Variants in DMC1 observed in about 807,000 individuals in gnomAD.
DMC1 encodes the protein meiotic recombination protein DMC1 homolog.
Under a neutral mutation model 50.1 loss-of-function variants are expected in DMC1, and 27 were observed. The ratio of observed to expected loss-of-function variants is 0.54; its 90% CI spans 0.40 to 0.74. DMC1 has a LOEUF of 0.74. DMC1 is among the 30% of genes least tolerant of loss of function. DMC1 has a pLI of 0.00. For synonymous variants in DMC1, 148 were observed against 136.1 expected (o/e 1.09, Z -0.61); for missense variants, 295 against 420.2 (o/e 0.70, Z 2.60).
intron 8 of DMC1, among the ~76,000 whole-genome samples, chr22:38,547,960 G>A (rs893604959): frequency 3.3e-5 from 5 of 152,162 alleles, no homozygotes; most frequent in Non-Finnish European, 7.3e-5. Flanking sequence ...AACTTATAAT[G>A]ATCTTTCTCA....
chr22:38,563,564 G>A (rs1232157098), intron 4 of DMC1, among the ~76,000 whole-genome samples: 1 of 151,864 alleles, frequency 6.6e-6, no homozygotes, highest in African/African-American at 2.4e-5. Context: ...CTATCTCTAA[G>A]AATAAACAAC....
intron 5 of DMC1, among the ~76,000 whole-genome samples, chr22:38,560,095 G>T (rs2090510984): frequency 6.6e-6 from 1 of 152,002 alleles, no homozygotes. Context: ...TTATTAAATG[G>T]TATGGATAAA....
At chr22:38,546,202 C>A (rs962756906) in intron 8 of DMC1, 1 of 152,250 alleles carries the variant, frequency 6.6e-6, no homozygotes, top group African/African-American at 2.4e-5. Flanking sequence ...ACCAGCCCGA[C>A]CAACATGGAG....
the DMC1 span, among the ~76,000 whole-genome samples, chr22:38,510,953 C>T: frequency 6.6e-6 from 1 of 152,184 alleles, no homozygotes; most frequent in Non-Finnish European, 1.5e-5. Context: ...ACTCCTCAAC[C>T]AGCTCTTCTA....
intron 6 of DMC1, among the ~76,000 whole-genome samples, chr22:38,552,921 C>T (rs2090428308): frequency 6.6e-6 from 1 of 151,546 alleles, no homozygotes; most frequent in Non-Finnish European, 1.5e-5. Context: ...GATCTCAGCT[C>T]ACTGCAACCT....
At chr22:38,569,089 C>A (rs2090611389) in intron 1 of DMC1, among the ~76,000 whole-genome samples, 1 of 150,186 alleles carries the variant, frequency 6.7e-6, no homozygotes, top group South Asian at 2.1e-4. Flanking sequence ...GAGGCTGAGG[C>A]AGGAGAATCG....
chr22:38,542,692 T>C (rs2090297747), intron 8 of DMC1, among the ~76,000 whole-genome samples: 1 of 152,006 alleles, frequency 6.6e-6, no homozygotes, highest in Admixed American at 6.6e-5. Context: ...TTCAGAGAAA[T>C]AGAAAAACAA....
intron 7 of DMC1, among the ~76,000 whole-genome samples, chr22:38,551,034 A>C (rs1053825111): frequency 1.3e-5 from 2 of 151,494 alleles, no homozygotes; most frequent in African/African-American, 4.8e-5. Context: ...TGAGGTCAGG[A>C]GTTTGAGACC....
intron 8 of DMC1, chr22:38,545,623 G>C (rs1462784367): frequency 6.6e-6 from 1 of 152,092 alleles, no homozygotes. Context: ...GGGTTTCACC[G>C]TGTTAGCCAG....
chr22:38,534,442 C>T (rs2090188456), intron 12 of DMC1, among the ~76,000 whole-genome samples: 1 of 152,194 alleles, frequency 6.6e-6, no homozygotes, highest in African/African-American at 2.4e-5. Context: ...GTGGCTCACA[C>T]CTGTAATCCC....
intron 12 of DMC1, 112 bp downstream of exon 12, chr22:38,537,480 G>C (rs917197586): frequency 3.8e-5 from 37 of 964,670 alleles, no homozygotes; most frequent in Non-Finnish European, 5.8e-5. Flanking sequence ...CTAAAGTGCT[G>C]GAATTACAGG....
At chr22:38,555,160 C>G (rs2090456123) in intron 6 of DMC1, among the ~76,000 whole-genome samples, 197 bp downstream of exon 6, 1 of 151,782 alleles carries the variant, frequency 6.6e-6, no homozygotes, top group Non-Finnish European at 1.5e-5. Flanking sequence ...TTGATAAGAC[C>G]CATCTGTTAA....
rs2090239020 is a variant in DMC1, at chr22:38,538,331, C to T, written c.739G>A (p.Ala247Thr). Residue 247 changes from alanine (A) to threonine (T), a missense_variant, in exon 11 of 14, where the codon GCC (alanine) becomes ACC (threonine). By Grantham distance (58) the Ala-to-Thr change is moderately conservative (BLOSUM62 0). Transcript: ENST00000216024. Reference sequence around the variant, plus strand: ...TTTTGGAGTCGTGACAACATCTGGGCCAATTTTTGCTGCCGTTCGGCCAAC... The same window carrying T: ...TTTTGGAGTCGTGACAACATCTGGGTCAATTTTTGCTGCCGTTCGGCCAAC... Reference protein sequence around the residue: ...GELAERQQKLAQMLSRLQKIS... With the variant: ...GELAERQQKLTQMLSRLQKIS... 3.1e-6 allele frequency: 5 copies of T among 1,613,802 alleles called. No homozygotes were observed. In the South Asian group the frequency reaches 5.5e-5, roughly 18 times the overall value.
chr22:38,534,576 G>A (rs138651048), intron 12 of DMC1, among the ~76,000 whole-genome samples: 1,803 of 151,894 alleles, frequency 0.012, 34 homozygotes, highest in African/African-American at 0.042. Flanking sequence ...GGTGGCAGGC[G>A]CCTGTAATCC....
chr22:38,515,029 G>A (rs2089966949), downstream of DMC1, among the ~76,000 whole-genome samples: 1 of 147,786 alleles, frequency 6.8e-6, no homozygotes, highest in African/African-American at 2.5e-5. Flanking sequence ...CACCATGCCC[G>A]GCTAATTATT....
chr22:38,542,937 A>G (rs191166165), intron 8 of DMC1, among the ~76,000 whole-genome samples: 298 of 152,346 alleles, frequency 2.0e-3, no homozygotes, highest in Admixed American at 4.0e-3. Flanking sequence ...AAAGGTGCCA[A>G]TAACATACAT....
At chr22:38,509,972 A>C in the DMC1 span, among the ~76,000 whole-genome samples, 2 of 152,130 alleles carry the variant, frequency 1.3e-5, no homozygotes, top group Admixed American at 1.3e-4. Flanking sequence ...TTCATTATAT[A>C]TTACGGTGTA....
At chr22:38,561,432 A>T (rs1324232112) in intron 5 of DMC1, among the ~76,000 whole-genome samples, 2 of 152,162 alleles carry the variant, frequency 1.3e-5, no homozygotes, top group Non-Finnish European at 2.9e-5. Context: ...TATATTTTGA[A>T]ATTAGAACAG....
chr22:38,539,434 G>A (rs776902254), intron 8 of DMC1, 22 bp from the exon 9 acceptor site: 1 of 1,596,760 alleles, frequency 6.3e-7, no homozygotes, highest in Non-Finnish European at 8.6e-7. Flanking sequence ...CAAGATTAAG[G>A]ATCCAATAAG....
Sources: allele counts gnomAD v4.1 joint callset (sites outside exome capture counted in the v4.1 genomes callset), GRCh38; gene constraint gnomAD v4.1.1; transcripts MANE v1.5; gene names NCBI Gene and HGNC (gene_info 2026-07-23, HGNC 2026-07-21).